CHRDL1: variants seen among roughly 807,000 people sequenced by gnomAD.
CHRDL1 encodes the protein chordin-like protein 1.
In CHRDL1, 19 loss-of-function variants were observed where a neutral mutation model predicts 40.9. That is an observed-to-expected ratio of 0.46 (90% CI 0.32 to 0.68). CHRDL1 has a LOEUF of 0.68. CHRDL1 is among the 30% of genes least tolerant of loss of function. The pLI is 0.03. For synonymous variants in CHRDL1, 136 were observed against 123.4 expected (o/e 1.10, Z -0.68); for missense variants, 329 against 352.1 (o/e 0.93, Z 0.53).
chrX:110,777,177 C>T (rs1027226273), intron 2 of CHRDL1, among the ~76,000 whole-genome samples: 6 of 111,205 alleles, frequency 5.4e-5, no homozygotes, highest in Non-Finnish European at 7.6e-5. Context: ...GGCTTGATAG[C>T]TCATTTCTTT....
At chrX:110,786,423 T>C (rs1236985100) in intron 2 of CHRDL1, among the ~76,000 whole-genome samples, 1 of 111,986 alleles carries the variant, frequency 8.9e-6, no homozygotes, top group African/African-American at 3.2e-5. Flanking sequence ...ATATTAAATA[T>C]CCATGTGGTT....
intron 4 of CHRDL1, among the ~76,000 whole-genome samples, chrX:110,757,694 G>T (rs2089478916): frequency 8.9e-6 from 1 of 111,805 alleles, no homozygotes; most frequent in Non-Finnish European, 1.9e-5. Context: ...AGAAGGAAAA[G>T]AAAAGGAATA....
intron 4 of CHRDL1, among the ~76,000 whole-genome samples, chrX:110,722,738 G>A (rs2070984603): frequency 9.0e-6 from 1 of 111,496 alleles, no homozygotes; most frequent in African/African-American, 3.3e-5. Context: ...AAGCTAGTGA[G>A]TGGTGAAAAA....
intron 6 of CHRDL1, among the ~76,000 whole-genome samples, chrX:110,708,536 A>G (rs2070689521): frequency 8.9e-6 from 1 of 111,973 alleles, no homozygotes; most frequent in East Asian, 2.8e-4. Context: ...TGGGCTGTCA[A>G]TATAAGATCT....
rs1448246582 is a variant in CHRDL1 at position 110,694,237 on chromosome X, G to A, written c.704C>T (p.Ala235Val). ...RFPGARSHRG[A>V]LMDSQQASGT... ...TGATGCTTGCTGGGAATCCATAAGAGCTCCCCGGTGACTTCTGGCCCCAGG... is the reference window on the plus strand; with the variant it reads ...TGATGCTTGCTGGGAATCCATAAGAACTCCCCGGTGACTTCTGGCCCCAGG... The change falls in exon 8 of 12, where the codon GCT becomes GTT. Residue 235 changes from alanine (A) to valine (V), a missense_variant. Physicochemically the swap from Ala to Val is moderately conservative, Grantham distance 64 (BLOSUM62 0). Coordinates refer to ENST00000372042, the MANE Select transcript of CHRDL1 (RefSeq NM_001143981.2). 2 of 1,206,720 alleles carry A rather than the reference G, an allele frequency of 1.7e-6. No homozygotes were observed. The highest frequency in any genetic ancestry group is 2.2e-6 in the Non-Finnish European group (2 of 892,123).
At chrX:110,753,994 A>G (rs1345997081) in intron 4 of CHRDL1, among the ~76,000 whole-genome samples, 1 of 112,305 alleles carries the variant, frequency 8.9e-6, no homozygotes, top group African/African-American at 3.2e-5. Context: ...TACCCAGCAA[A>G]TTAATATTTT....
Position 110,762,797 on chromosome X carries a change from T to C in CHRDL1, c.105A>G (p.Thr35=), listed in dbSNP as rs751250304. 4.8e-5 allele frequency: 53 copies of C among 1,098,927 alleles called. 1 individual carries two copies. The Admixed American group carries it at 6.7e-4, about 14-fold the overall frequency. The allele number at this position is 1,098,927 out of a possible 1,213,427, so 90.6% of individuals were successfully genotyped here. A position where few individuals can be genotyped will look rare whatever the true frequency, so the allele number is the denominator to read the frequency against. ...GKTEQVKHSE[T]YCMFQDKKYR... is the part of the protein sequence containing the mutation. ...ACTTCTTGTCTTGAAACATGCAATA[T>C]GTCTCTGAATCTGTGAAGAAGGAGA... Residue 35 remains threonine, a synonymous_variant, in exon 3 of 12, where the codon ACA becomes ACG. Coordinates refer to ENST00000372042, the MANE Select transcript of CHRDL1 (RefSeq NM_001143981.2).
chrX:110,765,759 A>G (rs1267627789), intron 2 of CHRDL1, among the ~76,000 whole-genome samples: 2 of 111,948 alleles, frequency 1.8e-5, no homozygotes, highest in Non-Finnish European at 3.8e-5. Context: ...GGGGACTTCA[A>G]TATTCCACTG....
At chrX:110,706,802 GA>G (rs1366519270) in intron 6 of CHRDL1, among the ~76,000 whole-genome samples, 1 of 112,484 alleles carries the variant, frequency 8.9e-6, no homozygotes. Flanking sequence ...TAATTATTAA[GA>G]TTGCAGCTCT....
intron 4 of CHRDL1, among the ~76,000 whole-genome samples, chrX:110,742,476 A>G (rs1205433087): frequency 8.9e-6 from 1 of 112,690 alleles, no homozygotes; most frequent in Non-Finnish European, 1.9e-5. Context: ...CTTTAAAAAT[A>G]TAGAAGATAA....
At chrX:110,749,354 TA>T (rs1231961366) in intron 4 of CHRDL1, among the ~76,000 whole-genome samples, 2 of 111,695 alleles carry the variant, frequency 1.8e-5, no homozygotes, top group African/African-American at 6.5e-5. Flanking sequence ...TCTTCTCAAT[TA>T]AACTAAAATC....
At chrX:110,693,760 AG>A (rs1442523607) in intron 8 of CHRDL1, among the ~76,000 whole-genome samples, 2 of 110,950 alleles carry the variant, frequency 1.8e-5, no homozygotes, top group African/African-American at 6.6e-5. Flanking sequence ...GGGTGCATTG[AG>A]GTGTGAGAAT....
intron 9 of CHRDL1, among the ~76,000 whole-genome samples, chrX:110,682,886 T>C (rs2069931132): frequency 8.9e-6 from 1 of 112,304 alleles, no homozygotes; most frequent in African/African-American, 3.2e-5. Flanking sequence ...TTTATTTACT[T>C]GGTGGGCCAG....
At chrX:110,757,586 C>A (rs1001608299) in intron 4 of CHRDL1, among the ~76,000 whole-genome samples, 2 of 110,991 alleles carry the variant, frequency 1.8e-5, no homozygotes, top group Admixed American at 1.9e-4. Context: ...TATATAAGGA[C>A]TAAGGAATTT....
At chrX:110,783,828 C>G (rs182423776) in intron 2 of CHRDL1, among the ~76,000 whole-genome samples, 12 of 112,008 alleles carry the variant, frequency 1.1e-4, no homozygotes, top group African/African-American at 3.9e-4. Flanking sequence ...CAATGTTTTG[C>G]CAATCATTAC....
At chrX:110,699,959 T>C (rs758027848) in intron 7 of CHRDL1, among the ~76,000 whole-genome samples, 1 of 112,826 alleles carries the variant, frequency 8.9e-6, no homozygotes, top group Non-Finnish European at 1.9e-5. Flanking sequence ...TTTTGTATGA[T>C]AGATTCTTTG....
chrX:110,714,355 A>G (rs762911138), intron 6 of CHRDL1, among the ~76,000 whole-genome samples: 20 of 112,167 alleles, frequency 1.8e-4, no homozygotes, highest in South Asian at 3.8e-4. Context: ...ATGCCCATCA[A>G]TGACAGACTG....
chrX:110,771,038 G>A (rs188110058), intron 2 of CHRDL1, among the ~76,000 whole-genome samples: 46 of 109,195 alleles, frequency 4.2e-4, no homozygotes, highest in Non-Finnish European at 7.8e-4. Flanking sequence ...TCCCATACTC[G>A]GGAGGCTGAG....
intron 7 of CHRDL1, among the ~76,000 whole-genome samples, chrX:110,698,372 C>T (rs2070444943): frequency 9.0e-6 from 1 of 111,666 alleles, no homozygotes. Flanking sequence ...CTCCCACACC[C>T]ATTCATTCAA....
Sources: allele counts gnomAD v4.1 joint callset (sites outside exome capture counted in the v4.1 genomes callset), GRCh38; gene constraint gnomAD v4.1.1; transcripts MANE v1.5; gene names NCBI Gene and HGNC (gene_info 2026-07-23, HGNC 2026-07-21).